Variants in SOX6 observed in about 807,000 individuals in gnomAD.
SOX6 encodes SRY-box transcription factor 6, also known as transcription factor SOX-6.
Under a neutral mutation model 97.8 loss-of-function variants are expected in SOX6, and 11 were observed. That is an observed-to-expected ratio of 0.11 (90% confidence interval 0.07 to 0.19). SOX6 has a LOEUF of 0.19. Ranked by LOEUF, SOX6 falls within the 10% of genes least tolerant of loss-of-function variation. The pLI is 1.00. For synonymous variants in SOX6, 360 were observed against 371.4 expected (o/e 0.97, Z 0.35); for missense variants, 810 against 1,039.5 (o/e 0.78, Z 3.04).
At chr11:16,427,069 G>C (rs1275158212) in intron 1 of SOX6, among the ~76,000 whole-genome samples, 1 of 152,012 alleles carries the variant, frequency 6.6e-6, no homozygotes, top group African/African-American at 2.4e-5. Flanking sequence ...CATAGGCAAA[G>C]ATTTCATGAC....
At chr11:16,247,449 G>A (rs535169647) in intron 3 of SOX6, among the ~76,000 whole-genome samples, 4 of 152,164 alleles carry the variant, frequency 2.6e-5, no homozygotes, top group East Asian at 1.9e-4. Context: ...AGAACTGCCC[G>A]AGACTGGGTA....
chr11:16,515,116 C>T (rs1480928298), intron 4 of SOX6, among the ~76,000 whole-genome samples: 6 of 149,346 alleles, frequency 4.0e-5, no homozygotes, highest in Non-Finnish European at 6.0e-5. Context: ...CCTGAGGAAT[C>T]GCCACACTGA....
At chr11:16,499,779 A>G (rs1860669864) in intron 4 of SOX6, among the ~76,000 whole-genome samples, 1 of 152,230 alleles carries the variant, frequency 6.6e-6, no homozygotes, top group Non-Finnish European at 1.5e-5. Flanking sequence ...GAATCTCTGA[A>G]TAGACCAATA....
chr11:16,369,048 T>C (rs573114694), intron 1 of SOX6, among the ~76,000 whole-genome samples: 1 of 152,152 alleles, frequency 6.6e-6, no homozygotes, highest in South Asian at 2.1e-4. Flanking sequence ...CTGGGCAACA[T>C]AGCGAGACTC....
At chr11:16,073,518 G>A (rs1848273047) in intron 9 of SOX6, among the ~76,000 whole-genome samples, 1 of 152,060 alleles carries the variant, frequency 6.6e-6, no homozygotes, top group Non-Finnish European at 1.5e-5. Context: ...CCCACTGACA[G>A]TATTAGACAG....
At chr11:16,634,392 T>C (rs561759050) in intron 3 of SOX6, among the ~76,000 whole-genome samples, 1 of 150,632 alleles carries the variant, frequency 6.6e-6, no homozygotes, top group South Asian at 2.1e-4. Context: ...AGATCCAACA[T>C]GAAAGCTGGA....
intron 9 of SOX6, among the ~76,000 whole-genome samples, chr11:16,072,485 A>C (rs1408394111): frequency 6.6e-6 from 1 of 152,200 alleles, no homozygotes; most frequent in African/African-American, 2.4e-5. Context: ...ATGCCCTTGA[A>C]AGAGAGGAAT....
intron 6 of SOX6, among the ~76,000 whole-genome samples, chr11:16,130,152 T>A (rs186935285): frequency 1.3e-5 from 2 of 151,944 alleles, no homozygotes; most frequent in Non-Finnish European, 1.5e-5. Flanking sequence ...TATATACTAG[T>A]AATAAACAAT....
intron 1 of SOX6, among the ~76,000 whole-genome samples, chr11:16,347,436 A>G (rs1394708352): frequency 6.6e-6 from 1 of 152,128 alleles, no homozygotes; most frequent in Non-Finnish European, 1.5e-5. Flanking sequence ...TACTATAAAT[A>G]TACACTAACT....
chr11:16,634,571 GT>G (rs1257518204), intron 3 of SOX6, among the ~76,000 whole-genome samples: 2 of 151,994 alleles, frequency 1.3e-5, no homozygotes, highest in African/African-American at 4.8e-5. Flanking sequence ...AGCTTACTAG[GT>G]TTTATTTAAT....
chr11:16,143,629 T>C (rs1456864164), intron 6 of SOX6, among the ~76,000 whole-genome samples: 3 of 151,976 alleles, frequency 2.0e-5, no homozygotes, highest in South Asian at 2.1e-4. Flanking sequence ...GAGACACACA[T>C]AGGCTCAAAA....
At chr11:16,046,356 C>A (rs956416269) in intron 12 of SOX6, among the ~76,000 whole-genome samples, 158 bp downstream of exon 12, 2 of 152,154 alleles carry the variant, frequency 1.3e-5, no homozygotes, top group Non-Finnish European at 2.9e-5. Flanking sequence ...ATAATGCTTA[C>A]AGATGCTACA....
At chr11:16,072,269 T>C (rs1284129298) in intron 9 of SOX6, among the ~76,000 whole-genome samples, 2 of 152,046 alleles carry the variant, frequency 1.3e-5, no homozygotes, top group Non-Finnish European at 2.9e-5. Context: ...CTGAGAGAGC[T>C]AAAAAACTCA....
At chr11:16,592,641 T>G (rs796619111) in intron 4 of SOX6, among the ~76,000 whole-genome samples, 1 of 152,092 alleles carries the variant, frequency 6.6e-6, no homozygotes, top group South Asian at 2.1e-4. Flanking sequence ...ACTTGTTAAA[T>G]GAGCAAAATT....
At chr11:16,170,045 C>T (rs1051203558) in intron 6 of SOX6, among the ~76,000 whole-genome samples, 19 of 152,008 alleles carry the variant, frequency 1.2e-4, no homozygotes, top group African/African-American at 4.6e-4. Flanking sequence ...AGAATGCTTC[C>T]TCCTGTGTTG....
intron 6 of SOX6, among the ~76,000 whole-genome samples, chr11:16,134,945 G>A (rs1488798609): frequency 6.6e-6 from 1 of 152,204 alleles, no homozygotes; most frequent in Non-Finnish European, 1.5e-5. Context: ...TCAAAGGACA[G>A]GCTGACTCTC....
intron 4 of SOX6, among the ~76,000 whole-genome samples, chr11:16,231,883 TTATAA>T (rs1454151658): frequency 2.0e-5 from 3 of 151,728 alleles, no homozygotes; most frequent in Non-Finnish European, 3.0e-5. Context: ...TACAAAAAAA[TTATAA>T]TGGGATGATT....
chr11:16,089,469 A>T (rs1234366013), intron 9 of SOX6, among the ~76,000 whole-genome samples: 2 of 152,152 alleles, frequency 1.3e-5, no homozygotes, highest in Non-Finnish European at 2.9e-5. Flanking sequence ...AATTGAGAAA[A>T]GAATCCTTTA....
intron 4 of SOX6, among the ~76,000 whole-genome samples, chr11:16,198,547 A>G (rs528977551): frequency 2.0e-5 from 3 of 152,236 alleles, no homozygotes; most frequent in African/African-American, 7.2e-5. Context: ...ATCCTGAGAC[A>G]AGAAGGAAAA....
Sources: gnomAD v4.1 joint callset for allele counts (sites outside exome capture counted in the v4.1 genomes callset) on GRCh38, gnomAD v4.1.1 for gene constraint, MANE v1.5 for transcripts, NCBI Gene and HGNC (gene_info 2026-07-23, HGNC 2026-07-21) for gene names.